PCSK5: variants seen among roughly 807,000 people sequenced by gnomAD.
The protein encoded by PCSK5 is proprotein convertase subtilisin/kexin type 5, also known as prohormone convertase 5.
A neutral mutation model predicts 233.2 loss-of-function variants in PCSK5; 129 were observed. The ratio of observed to expected loss-of-function variants is 0.55; its 90% CI spans 0.48 to 0.64. The LOEUF (loss-of-function observed/expected upper bound fraction) is 0.64. PCSK5 is among the 30% of genes least tolerant of loss of function. PCSK5 has a pLI of 0.00. For synonymous variants in PCSK5, 825 were observed against 879.2 expected, an observed-to-expected ratio of 0.94 and a Z score of 1.09; for missense variants, 2,076 against 2,430.1, an observed-to-expected ratio of 0.85 and a Z score of 3.06.
At chr9:76,316,947 A>C (rs1829050526) in intron 30 of PCSK5, among the ~76,000 whole-genome samples, 2 of 151,936 alleles carry the variant, frequency 1.3e-5, no homozygotes, top group Non-Finnish European at 2.9e-5. Flanking sequence ...TGTCATGGTC[A>C]AAAAAAAGCT....
rs188856579 is a variant in PCSK5, at chr9:76,277,404, G to A, written c.3143-14829G>A. On this transcript the variant is annotated intron_variant, in intron 24 of 37. Coordinates refer to ENST00000674117, the MANE Select transcript of PCSK5 (RefSeq NM_001372043.1). The stretch of plus-strand genomic sequence containing the variant: ...CCTGCTAGTCAGTCTAGAGAAGCAT[G>A]GAAATCCACAAACAGCTTGCCTATT... Among the ~76,000 whole-genome samples the A allele has an allele frequency of 4.5e-4, 68 of 152,226 alleles. No individual in the cohort carries two copies. The East Asian group carries it at 0.013, about 29-fold the overall frequency.
intron 9 of PCSK5, among the ~76,000 whole-genome samples, chr9:76,112,840 AG>A (rs370175407): frequency 7.9e-5 from 12 of 152,164 alleles, no homozygotes; most frequent in African/African-American, 2.6e-4. Context: ...GAAGGGTTGT[AG>A]GGGGTGCAGG....
chr9:76,037,264 T>G (rs1329343900), intron 5 of PCSK5, among the ~76,000 whole-genome samples: 1 of 152,020 alleles, frequency 6.6e-6, no homozygotes, highest in Non-Finnish European at 1.5e-5. Flanking sequence ...AAGGGAAAAC[T>G]TCACATTTGG....
chr9:76,078,303 T>C (rs1830709285), intron 7 of PCSK5, among the ~76,000 whole-genome samples: 1 of 152,212 alleles, frequency 6.6e-6, no homozygotes, highest in Non-Finnish European at 1.5e-5. Context: ...TATCAACTTT[T>C]GTTTCTGTCA....
intron 37 of PCSK5, among the ~76,000 whole-genome samples, chr9:76,355,400 G>A (rs1401930734): frequency 2.0e-5 from 3 of 152,054 alleles, no homozygotes; most frequent in African/African-American, 7.2e-5. Flanking sequence ...GTGAACCCGG[G>A]AGGCAGAGCT....
At chr9:75,933,990 C>T (rs1411774456) in intron 2 of PCSK5, among the ~76,000 whole-genome samples, 2 of 152,178 alleles carry the variant, frequency 1.3e-5, no homozygotes, top group African/African-American at 4.8e-5. Context: ...GCATTATTTT[C>T]ATGATGAAGG....
In PCSK5 at chr9:76,358,996, C is replaced by A; in HGVS notation, c.*74C>A. ...TGAGCATCACTGTTTTTGGTTTTAT[C>A]CCCACACCAGGCTGATGTGTGAGTT... On this transcript the variant is annotated 3_prime_UTR_variant, in exon 38 of 38. Transcript: ENST00000674117. 1 of 1,274,166 alleles carries A rather than the reference C, an allele frequency of 7.8e-7. No homozygotes were observed. Among genetic ancestry groups the A allele is most frequent in the Non-Finnish European group, 1.1e-6 (1 of 896,776 alleles). The allele number at this position is 1,274,166 out of a possible 1,614,324, so 78.9% of individuals were successfully genotyped here. A position where few individuals can be genotyped will look rare whatever the true frequency, so the allele number is the denominator to read the frequency against.
At chr9:76,231,964 GAA>G (rs2131316953) in intron 21 of PCSK5, among the ~76,000 whole-genome samples, 2 of 149,206 alleles carry the variant, frequency 1.3e-5, no homozygotes, top group East Asian at 3.9e-4. Flanking sequence ...TTGTCGGCTT[GAA>G]TCCCATTCTG....
chr9:76,181,613 G>T (rs770182532), intron 16 of PCSK5, 22 bp downstream of exon 16: 4 of 1,543,062 alleles, frequency 2.6e-6, no homozygotes, highest in South Asian at 1.2e-5. Flanking sequence ...TCAAATACTT[G>T]GGTTTTAGAG....
chr9:76,002,601 T>C (rs947139187), intron 3 of PCSK5, among the ~76,000 whole-genome samples: 4 of 152,236 alleles, frequency 2.6e-5, no homozygotes, highest in African/African-American at 9.6e-5. Context: ...AGGCAGTATT[T>C]GTTTCCCTGA....
chr9:76,109,725 A>G (rs573177930), intron 9 of PCSK5, among the ~76,000 whole-genome samples: 1 of 152,286 alleles, frequency 6.6e-6, no homozygotes, highest in African/African-American at 2.4e-5. Context: ...AAAATGGATG[A>G]TGAACTATCT....
At chr9:76,083,430 A>G (rs1414331775) in intron 7 of PCSK5, among the ~76,000 whole-genome samples, 3 of 152,146 alleles carry the variant, frequency 2.0e-5, no homozygotes, top group South Asian at 2.1e-4. Context: ...AGTAATACCA[A>G]TTAAAGCTTT....
intron 5 of PCSK5, among the ~76,000 whole-genome samples, chr9:76,039,889 CAGAATG>C (rs1232134910): frequency 6.6e-6 from 1 of 152,098 alleles, no homozygotes; most frequent in African/African-American, 2.4e-5. Context: ...TTTCTCATGA[CAGAATG>C]AGAAAAAAGA....
intron 10 of PCSK5, among the ~76,000 whole-genome samples, chr9:76,147,808 G>A (rs1367596703): frequency 2.0e-5 from 3 of 152,148 alleles, no homozygotes; most frequent in Admixed American, 2.0e-4. Context: ...AGTTGTGAAA[G>A]GTTTTCCCCA....
intron 24 of PCSK5, among the ~76,000 whole-genome samples, chr9:76,285,913 T>C (rs1186544404): frequency 2.0e-5 from 3 of 152,126 alleles, no homozygotes; most frequent in Non-Finnish European, 4.4e-5. Flanking sequence ...TTTTAGATAG[T>C]GAACTATTAA....
rs567010790 is a variant in PCSK5, at chr9:76,290,743, T to G, written c.3143-1490T>G. On this transcript the variant is annotated intron_variant, in intron 24 of 37. Coordinates refer to ENST00000674117, the MANE Select transcript of PCSK5 (RefSeq NM_001372043.1). Reference sequence around the variant, plus strand: ...TCTGTGAAGTGGCAGGGAGTAAATATCTTTGGTCTCTTGCAATTACTCAAC... The same window carrying G: ...TCTGTGAAGTGGCAGGGAGTAAATAGCTTTGGTCTCTTGCAATTACTCAAC... 5.1e-4 allele frequency among the ~76,000 whole-genome samples: 77 copies of G among 152,284 alleles called. No homozygotes were observed. In the East Asian group the frequency reaches 6.4e-3, roughly 13 times the overall value.
intron 37 of PCSK5, among the ~76,000 whole-genome samples, chr9:76,355,450 G>A (rs1830276710): frequency 1.3e-5 from 2 of 151,936 alleles, no homozygotes; most frequent in Non-Finnish European, 2.9e-5. Flanking sequence ...TCCAGCCTGG[G>A]TGACAGAGCG....
chr9:76,320,734 A>G (rs1829173760), intron 30 of PCSK5, among the ~76,000 whole-genome samples: 1 of 151,762 alleles, frequency 6.6e-6, no homozygotes, highest in African/African-American at 2.4e-5. Context: ...TCAGCCTCCC[A>G]GAGTGCTGGG....
chr9:75,910,792 A>G (rs1822693149), intron 1 of PCSK5, among the ~76,000 whole-genome samples: 2 of 152,170 alleles, frequency 1.3e-5, no homozygotes, highest in Non-Finnish European at 2.9e-5. Context: ...CTGCTGCAGA[A>G]TCCACTTAAA....
Sources: allele counts gnomAD v4.1 joint callset (sites outside exome capture counted in the v4.1 genomes callset), GRCh38; gene constraint gnomAD v4.1.1; transcripts MANE v1.5; gene names NCBI Gene and HGNC (gene_info 2026-07-23, HGNC 2026-07-21).